SEH1L: variants seen among roughly 807,000 people sequenced by gnomAD.
The protein encoded by SEH1L is SEH1 like nucleoporin.
In SEH1L, 18 loss-of-function variants were observed where a neutral mutation model predicts 49.5. The observed-to-expected ratio is 0.36, with a 90% CI of 0.25 to 0.54. The LOEUF (loss-of-function observed/expected upper bound fraction) is 0.54. SEH1L is among the 20% of genes least tolerant of loss of function. The pLI is 0.87. For synonymous variants in SEH1L, 169 were observed against 178.1 expected, an observed-to-expected ratio of 0.95 and a Z score of 0.41; for missense variants, 404 against 528.8, an observed-to-expected ratio of 0.76 and a Z score of 2.31.
intron 2 of SEH1L, among the ~76,000 whole-genome samples, chr18:12,953,665 CT>C (rs1222389216): frequency 6.6e-6 from 1 of 152,108 alleles, no homozygotes; most frequent in African/African-American, 2.4e-5. Context: ...GTCCCCCCCC[CT>C]TTTAAGGTGA....
At chr18:12,981,530 T>G (rs1388573400) in intron 6 of SEH1L, among the ~76,000 whole-genome samples, 4 of 152,262 alleles carry the variant, frequency 2.6e-5, no homozygotes, top group African/African-American at 9.6e-5. Flanking sequence ...CTACAGTTAC[T>G]TTTAAATTAA....
chr18:12,951,578 A>G (rs2030529909), intron 1 of SEH1L, among the ~76,000 whole-genome samples: 1 of 152,076 alleles, frequency 6.6e-6, no homozygotes, highest in Non-Finnish European at 1.5e-5. Flanking sequence ...TTTAGTAGAG[A>G]CGGGGTTTCA....
chr18:12,960,886 C>T (rs1598950791), intron 3 of SEH1L, among the ~76,000 whole-genome samples: 1 of 152,118 alleles, frequency 6.6e-6, no homozygotes, highest in Non-Finnish European at 1.5e-5. Flanking sequence ...GGGCATAAGG[C>T]AGAGTAAGAG....
intron 6 of SEH1L, among the ~76,000 whole-genome samples, chr18:12,981,343 C>A (rs953327123): frequency 7.2e-5 from 11 of 152,142 alleles, no homozygotes; most frequent in Non-Finnish European, 1.2e-4. Flanking sequence ...TTTGGGGGGC[C>A]AAGGCAGGCA....
At chr18:12,985,419 T>G (rs2032424948) in intron 8 of SEH1L, 1 of 1,340,832 alleles carries the variant, frequency 7.5e-7, no homozygotes, top group South Asian at 2.1e-5. Context: ...AAAAATACAG[T>G]GTATATTTTT....
rs116654576 is a variant in SEH1L, at chr18:12,986,741, T to C, written c.1071-121T>C. On this transcript the variant is annotated intron_variant, in intron 8 of 8. Transcript: ENST00000399892. The stretch of plus-strand genomic sequence containing the variant: ...ATATACTAAAGCTTTTTTTTTTTTT[T>C]CTAGCATGTGTTTTCTCCTCTTTGG... 0.01 allele frequency: 12,733 copies of C among 1,216,412 alleles called. 692 individuals are homozygous for C. In the African/African-American group the frequency reaches 0.15, roughly 14 times the overall value. 75.4% of individuals were successfully genotyped at this position (1,216,412 alleles called of 1,614,324 possible). A position where few individuals can be genotyped will look rare whatever the true frequency, so the allele number is the denominator to read the frequency against.
intron 5 of SEH1L, chr18:12,976,639 G>T (rs2031932770): frequency 6.6e-6 from 1 of 152,030 alleles, no homozygotes; most frequent in African/African-American, 2.4e-5. Flanking sequence ...GGAATTATTG[G>T]TTTATAGGTA....
intron 3 of SEH1L, among the ~76,000 whole-genome samples, chr18:12,962,223 C>T (rs969247699): frequency 6.6e-5 from 10 of 151,412 alleles, no homozygotes; most frequent in Admixed American, 6.6e-5. Flanking sequence ...TAGTGAGACC[C>T]CCCCATCTCT....
At chr18:12,949,470 T>TTTTTTTGGG (rs2030371313) in intron 1 of SEH1L, among the ~76,000 whole-genome samples, 1 of 133,250 alleles carries the variant, frequency 7.5e-6, no homozygotes, top group African/African-American at 3.3e-5. Context: ...TTTTTTTTTT[T>TTTTTTTGGG]GAGACGGAGT....
At chr18:12,981,193 G>C (rs573587319) in intron 6 of SEH1L, among the ~76,000 whole-genome samples, 2,254 of 151,784 alleles carry the variant, frequency 0.015, 27 homozygotes, top group Admixed American at 0.023. Flanking sequence ...GATGGCGGCC[G>C]GGCAGAGACG....
intron 2 of SEH1L, among the ~76,000 whole-genome samples, chr18:12,953,970 T>C (rs1437436784): frequency 6.6e-6 from 1 of 152,230 alleles, no homozygotes; most frequent in Non-Finnish European, 1.5e-5. Context: ...AGATTGCATT[T>C]TACTGTAAAT....
chr18:12,975,948 G>A (rs2031899458), intron 5 of SEH1L: 5 of 855,454 alleles, frequency 5.8e-6, no homozygotes, highest in Non-Finnish European at 5.6e-6. Context: ...TGAGCAAAGA[G>A]GAGTGAATGT....
At chr18:12,984,354 A>C (rs2032388083) in intron 8 of SEH1L, 164 bp downstream of exon 8, 1 of 729,600 alleles carries the variant, frequency 1.4e-6, no homozygotes, top group Non-Finnish European at 2.3e-6. Context: ...TATTTGGCTT[A>C]CTTGGTCATA....
At chr18:12,957,353 G>C (rs1323049265) in intron 3 of SEH1L, among the ~76,000 whole-genome samples, 5 of 152,078 alleles carry the variant, frequency 3.3e-5, no homozygotes, top group South Asian at 2.1e-4. Flanking sequence ...GCTTGAACCC[G>C]GGAGGCGGAG....
chr18:12,985,103 G>T, intron 8 of SEH1L: 4 of 692,526 alleles, frequency 5.8e-6, no homozygotes, highest in Non-Finnish European at 4.4e-6. Context: ...TCTGGTTTTT[G>T]GTCACTGCCT....
chr18:12,982,469 G>A (rs1277781412), intron 6 of SEH1L, 49 bp from the exon 7 acceptor site: 3 of 1,439,232 alleles, frequency 2.1e-6, no homozygotes, highest in South Asian at 2.5e-5. Context: ...ATATATATAT[G>A]TTTTAAAACT....
chr18:12,969,686 CAA>C (rs201098722), intron 4 of SEH1L, among the ~76,000 whole-genome samples: 32 of 98,100 alleles, frequency 3.3e-4, no homozygotes, highest in African/African-American at 4.4e-4. Context: ...GACTCCATCT[CAA>C]AAAAAAAAAA....
chr18:12,955,723 C>T (rs925341250), intron 3 of SEH1L, 114 bp downstream of exon 3: 5 of 1,087,496 alleles, frequency 4.6e-6, no homozygotes, highest in Admixed American at 2.6e-5. Flanking sequence ...TCTAGTTTTA[C>T]CAGTTCTAAA....
intron 5 of SEH1L, chr18:12,977,732 C>G (rs1191250846): frequency 6.6e-6 from 1 of 152,142 alleles, no homozygotes; most frequent in African/African-American, 2.4e-5. Flanking sequence ...ACCTCAATTC[C>G]TGTTACCAGC....
Sources: allele counts gnomAD v4.1 joint callset (sites outside exome capture counted in the v4.1 genomes callset), GRCh38; gene constraint gnomAD v4.1.1; transcripts MANE v1.5; gene names NCBI Gene and HGNC (gene_info 2026-07-23, HGNC 2026-07-21).